Variants in CSMD1 observed in about 807,000 individuals in gnomAD.
The protein encoded by CSMD1 is CUB and sushi domain-containing protein 1.
A neutral mutation model predicts 417.5 loss-of-function variants in CSMD1; 213 were observed. The observed-to-expected ratio is 0.51, with a 90% confidence interval of 0.46 to 0.57. The LOEUF is 0.57. Ranked by LOEUF, CSMD1 falls within the 20% of genes least tolerant of loss-of-function variation. The pLI is 0.00. For missense variants in CSMD1, 6,923 were observed against 4,529.7 expected, an observed-to-expected ratio of 1.53 and a Z score of -15.17; for synonymous variants, 2,862 against 1,736.8, an observed-to-expected ratio of 1.65 and a Z score of -16.11.
At chr8:4,224,821 G>T (rs1693013845) in intron 3 of CSMD1, among the ~76,000 whole-genome samples, 1 of 152,190 alleles carries the variant, frequency 6.6e-6, no homozygotes, top group Non-Finnish European at 1.5e-5. Context: ...CTCATCATGG[G>T]AGGATATATA....
At chr8:3,024,609 C>A (rs543364801) in intron 51 of CSMD1, among the ~76,000 whole-genome samples, 2 of 152,304 alleles carry the variant, frequency 1.3e-5, no homozygotes, top group South Asian at 4.1e-4. Flanking sequence ...GCCTAGCCTA[C>A]ATTTTAAGTT....
intron 3 of CSMD1, among the ~76,000 whole-genome samples, chr8:4,191,126 G>A (rs1200291896): frequency 6.6e-6 from 1 of 152,168 alleles, no homozygotes; most frequent in Non-Finnish European, 1.5e-5. Flanking sequence ...GCCAGGCGAG[G>A]TAGCTCATGC....
At chr8:3,359,458 T>G in intron 20 of CSMD1, 118 bp from the exon 21 acceptor site, 3 of 746,012 alleles carry the variant, frequency 4.0e-6, no homozygotes, top group Non-Finnish European at 2.1e-6. Flanking sequence ...CATATATATT[T>G]TCCCCAAACA....
chr8:4,213,673 C>T (rs900254550), intron 3 of CSMD1, among the ~76,000 whole-genome samples: 1 of 152,210 alleles, frequency 6.6e-6, no homozygotes. Context: ...GAGATGAAAG[C>T]AGCCATGGGC....
chr8:4,224,710 A>T (rs549767035), intron 3 of CSMD1, among the ~76,000 whole-genome samples: 50 of 152,230 alleles, frequency 3.3e-4, no homozygotes, highest in Non-Finnish European at 6.0e-4. Flanking sequence ...TTACTAATAT[A>T]GCTTCTTTTT....
chr8:3,629,941 C>T (rs531040581), intron 7 of CSMD1, among the ~76,000 whole-genome samples: 1 of 152,232 alleles, frequency 6.6e-6, no homozygotes, highest in South Asian at 2.1e-4. Flanking sequence ...TGTTTGTTGC[C>T]TACAGTCTTA....
At chr8:4,470,629 A>C (rs1436913539) in intron 2 of CSMD1, among the ~76,000 whole-genome samples, 1 of 152,226 alleles carries the variant, frequency 6.6e-6, no homozygotes, top group African/African-American at 2.4e-5. Context: ...GCTTTCCTGT[A>C]CGTTAACCAT....
chr8:3,170,189 G>A (rs931413357), intron 37 of CSMD1, among the ~76,000 whole-genome samples: 4 of 152,272 alleles, frequency 2.6e-5, no homozygotes, highest in South Asian at 2.1e-4. Flanking sequence ...TTACAACTCC[G>A]AGTTTTATTT....
At chr8:4,743,179 A>C (rs1043526297) in intron 1 of CSMD1, among the ~76,000 whole-genome samples, 2 of 152,208 alleles carry the variant, frequency 1.3e-5, no homozygotes, top group Non-Finnish European at 2.9e-5. Context: ...GACATAATCT[A>C]TTTCAAGAAA....
chr8:4,657,532 G>T (rs1804312703), intron 1 of CSMD1, among the ~76,000 whole-genome samples: 1 of 151,936 alleles, frequency 6.6e-6, no homozygotes, highest in Non-Finnish European at 1.5e-5. Flanking sequence ...ACATAGAAAA[G>T]AATATAAACC....
intron 6 of CSMD1, among the ~76,000 whole-genome samples, chr8:3,736,211 C>G (rs1489515955): frequency 1.3e-5 from 2 of 152,126 alleles, no homozygotes; most frequent in African/African-American, 4.8e-5. Flanking sequence ...TTGATTCTCA[C>G]TCAACATTTG....
chr8:3,299,691 G>A (rs1563243866), intron 25 of CSMD1, among the ~76,000 whole-genome samples: 1 of 152,180 alleles, frequency 6.6e-6, no homozygotes, highest in Admixed American at 6.5e-5. Context: ...GGAAATGCAG[G>A]TGGGAGGTGA....
chr8:4,397,950 G>A (rs539598552), intron 3 of CSMD1, among the ~76,000 whole-genome samples: 4 of 152,124 alleles, frequency 2.6e-5, no homozygotes, highest in Admixed American at 1.3e-4. Context: ...GGAAAAAATG[G>A]GTTGTCATAC....
chr8:4,437,812 G>C (rs1040209842), intron 2 of CSMD1, among the ~76,000 whole-genome samples: 4 of 152,156 alleles, frequency 2.6e-5, no homozygotes, highest in African/African-American at 9.7e-5. Context: ...GCCGTGTTTG[G>C]TTGATGGGCT....
At chr8:3,375,625 C>G (rs746187933) in intron 18 of CSMD1, among the ~76,000 whole-genome samples, 1 of 152,058 alleles carries the variant, frequency 6.6e-6, no homozygotes, top group African/African-American at 2.4e-5. Context: ...CAAAAGGAAT[C>G]TTGTGCAGAA....
At chr8:4,932,845 G>A (rs992638052) in intron 1 of CSMD1, among the ~76,000 whole-genome samples, 1 of 152,122 alleles carries the variant, frequency 6.6e-6, no homozygotes, top group African/African-American at 2.4e-5. Flanking sequence ...TCAACTACAG[G>A]TCCTGTCGAC....
At chr8:4,518,830 T>A (rs1011838767) in intron 2 of CSMD1, among the ~76,000 whole-genome samples, 2 of 151,898 alleles carry the variant, frequency 1.3e-5, no homozygotes, top group African/African-American at 4.8e-5. Context: ...CTAAGTAAAT[T>A]ATAGGAGATT....
intron 1 of CSMD1, among the ~76,000 whole-genome samples, chr8:4,742,795 A>T (rs1301335304): frequency 1.3e-5 from 2 of 152,220 alleles, no homozygotes; most frequent in Non-Finnish European, 2.9e-5. Context: ...AAGCCCAATT[A>T]TATAAATCGC....
chr8:4,694,051 G>A (rs1214210562), intron 1 of CSMD1, among the ~76,000 whole-genome samples: 1 of 152,164 alleles, frequency 6.6e-6, no homozygotes, highest in African/African-American at 2.4e-5. Context: ...GAACTGCTTA[G>A]GGCAAACCTG....
Sources: gnomAD v4.1 joint callset for allele counts (sites outside exome capture counted in the v4.1 genomes callset) on GRCh38, gnomAD v4.1.1 for gene constraint, MANE v1.5 for transcripts, NCBI Gene and HGNC (gene_info 2026-07-23, HGNC 2026-07-21) for gene names.